Variants in ERMARD observed in about 807,000 individuals in gnomAD.
The protein encoded by ERMARD is endoplasmic reticulum membrane-associated RNA degradation protein.
Under a neutral mutation model 83.9 loss-of-function variants are expected in ERMARD, and 71 were observed. The observed-to-expected ratio is 0.85, with a 90% CI of 0.70 to 1.03. The LOEUF (loss-of-function observed/expected upper bound fraction) is 1.03, where lower values mean the gene tolerates loss of function less well. Ranked by LOEUF, ERMARD falls within the 50% of genes least tolerant of loss-of-function variation. The pLI, the probability that ERMARD is intolerant of heterozygous loss-of-function variation, is 0.00. For missense variants in ERMARD, 838 were observed against 810.9 expected, an observed-to-expected ratio of 1.03 and a Z score of -0.41; for synonymous variants, 284 against 298.6, an observed-to-expected ratio of 0.95 and a Z score of 0.50.
At chr6:169,751,704 A>G in intron 1 of ERMARD, 41 bp downstream of exon 1, 1 of 1,532,938 alleles carries the variant, frequency 6.5e-7, no homozygotes, top group Non-Finnish European at 8.8e-7. Flanking sequence ...CGAGCTAGGC[A>G]GGGAGTCGGC....
intron 8 of ERMARD, 144 bp from the exon 9 acceptor site, chr6:169,762,285 G>A (rs1791645727): frequency 1.5e-6 from 1 of 681,960 alleles, no homozygotes; most frequent in Non-Finnish European, 2.5e-6. Flanking sequence ...GGGTTTCCCA[G>A]GCTGGTCTTG....
Position 169,756,424 on chromosome 6 carries a change from A to G in ERMARD, c.402A>G (p.Glu134=). Residue 134 remains glutamate, a synonymous_variant, in exon 4 of 18, where the codon GAA becomes GAG. Transcript: ENST00000366773. ...TAATGAAACTGACATCGTGTCTAGA[A>G]CGAGCCTTGGGTGATGTAAGTGTGA... ...LSLMKLTSCL[E]RALGDVFLLI... 1 of 1,610,392 alleles carries G rather than the reference A, an allele frequency of 6.2e-7. No individual in the cohort carries two copies.
chr6:169,756,875 C>T, intron 5 of ERMARD, 67 bp downstream of exon 5: 2 of 1,398,558 alleles, frequency 1.4e-6, no homozygotes, highest in Non-Finnish European at 2.0e-6. Flanking sequence ...AAAGACATAC[C>T]CAAGACTAGG....
intron 1 of ERMARD, 121 bp downstream of exon 1, chr6:169,751,784 C>G (rs1790134170): frequency 7.3e-7 from 1 of 1,363,344 alleles, no homozygotes; most frequent in African/African-American, 1.6e-5. Flanking sequence ...CCGGCGGTCC[C>G]GCGCTGGAGG....
At chr6:169,760,604 C>A in intron 7 of ERMARD, 38 bp from the exon 8 acceptor site, 3 of 1,392,626 alleles carry the variant, frequency 2.2e-6, no homozygotes, top group South Asian at 1.2e-5. Context: ...TTCAGTTGAT[C>A]AGTATGATTG....
chr6:169,769,190 A>G (rs1211165567), intron 11 of ERMARD, among the ~76,000 whole-genome samples: 1 of 152,232 alleles, frequency 6.6e-6, no homozygotes, highest in African/African-American at 2.4e-5. Context: ...CAGATGAGAA[A>G]GTGCAGGGGC....
intron 9 of ERMARD, among the ~76,000 whole-genome samples, chr6:169,763,624 G>C (rs1296755480): frequency 6.6e-6 from 1 of 152,248 alleles, no homozygotes; most frequent in Non-Finnish European, 1.5e-5. Context: ...TCTTTCTCTA[G>C]CTTGGCTTTT....
chr6:169,753,321 A>G (rs935840693), intron 1 of ERMARD: 2 of 154,320 alleles, frequency 1.3e-5, no homozygotes, highest in African/African-American at 4.8e-5. Context: ...TCGAAGAGGC[A>G]TGTTTTGGGA....
chr6:169,751,485 C>T (rs201712120), upstream of ERMARD: 69 of 1,612,032 alleles, frequency 4.3e-5, no homozygotes, highest in African/African-American at 8.7e-4. Flanking sequence ...AGACGCCCAC[C>T]GCCTCCCCTT....
chr6:169,768,150 T>C lies in ERMARD; in HGVS notation c.1038T>C (p.Leu346=). The C allele has an allele frequency of 1.2e-6, 2 of 1,614,126 alleles. No homozygotes were observed. The highest frequency in any genetic ancestry group is 2.2e-5 in the South Asian group (2 of 91,084). The change falls in exon 11 of 18, where the codon CTT becomes CTC. Residue 346 remains leucine (L), a synonymous_variant. Transcript: ENST00000366773. The stretch of plus-strand genomic sequence containing the variant: ...ATGGTAAAATCAATCAGCTTCCTCT[T>C]TTCCTTGGAGAGCCTGCTATGGTAA... ...LNDGKINQLP[L]FLGEPAMEFL...
intron 5 of ERMARD, among the ~76,000 whole-genome samples, chr6:169,757,564 AT>A (rs1386844638): frequency 1.3e-5 from 2 of 152,240 alleles, no homozygotes; most frequent in Admixed American, 6.5e-5. Context: ...TGTTAAAAAA[AT>A]CATGCAGTTA....
At chr6:169,772,328 A>G (rs1225108711) in intron 12 of ERMARD, among the ~76,000 whole-genome samples, 1 of 152,258 alleles carries the variant, frequency 6.6e-6, no homozygotes, top group African/African-American at 2.4e-5. Context: ...CCATGCAGGC[A>G]CATGAGTGTA....
rs1790664411 is a variant in ERMARD, at chr6:169,755,374, A to G, written c.267A>G (p.Gln89=). The part of the protein sequence containing the change: ...HSHFLSLTKG[Q]FEIRYAPWFQ... Reference sequence around the variant, plus strand: ...ATTTCTTATCTCTGACCAAGGGGCAATTTGAAATTCGATATGCACCGTGGT... The same window carrying G: ...ATTTCTTATCTCTGACCAAGGGGCAGTTTGAAATTCGATATGCACCGTGGT... The change falls in exon 3 of 18, where the codon CAA becomes CAG. Residue 89 remains glutamine, a synonymous_variant. Transcript: ENST00000366773. 1 of 1,614,076 alleles carries G rather than the reference A, an allele frequency of 6.2e-7. No homozygotes were observed. Among genetic ancestry groups the G allele is most frequent in the Non-Finnish European group, 8.5e-7 (1 of 1,180,044 alleles).
At chr6:169,765,901 A>G (rs1289832933) in intron 9 of ERMARD, among the ~76,000 whole-genome samples, 1 of 103,524 alleles carries the variant, frequency 9.7e-6, no homozygotes, top group Non-Finnish European at 2.0e-5. Flanking sequence ...CTGTCTGTCA[A>G]ATCTCACTGA....
chr6:169,773,188 C>A, intron 12 of ERMARD, 131 bp from the exon 13 acceptor site: 1 of 700,078 alleles, frequency 1.4e-6, no homozygotes, highest in Non-Finnish European at 2.4e-6. Context: ...GAAGCACTTG[C>A]TTTTCTAGCT....
At chr6:169,766,222 T>C (rs1281349198) in intron 9 of ERMARD, among the ~76,000 whole-genome samples, 1 of 152,234 alleles carries the variant, frequency 6.6e-6, no homozygotes, top group African/African-American at 2.4e-5. Flanking sequence ...CCGATGATGC[T>C]GAGAAGCAGC....
chr6:169,757,537 G>C (rs1790967681), intron 5 of ERMARD, among the ~76,000 whole-genome samples: 1 of 152,090 alleles, frequency 6.6e-6, no homozygotes. Flanking sequence ...TAAACTTACA[G>C]TGGAAAAAAA....
At chr6:169,770,312 T>C (rs1191263663) in intron 12 of ERMARD, 1 of 152,260 alleles carries the variant, frequency 6.6e-6, no homozygotes, top group East Asian at 1.9e-4. Context: ...GCTATGAGTA[T>C]ACTAAAGTGA....
Position 169,776,317 on chromosome 6 carries a change from C to CAA in ERMARD, c.1521-137_1521-136insAA, listed in dbSNP as rs1446380149. The CAA allele has an allele frequency of 1.9e-6, 3 of 1,552,086 alleles. No individual in the cohort carries two copies. In the African/African-American group the frequency reaches 4.1e-5, roughly 21 times the overall value. ...TGTTTAGTTAACACTTGCCGCGTGT[C>CAA]ACGGTTGTCCCTGCAGACCAACCAG... On this transcript the variant is annotated intron_variant, in intron 15 of 17. Coordinates refer to ENST00000366773, the MANE Select transcript of ERMARD (RefSeq NM_018341.3).
Sources: gnomAD v4.1 joint callset for allele counts (sites outside exome capture counted in the v4.1 genomes callset) on GRCh38, gnomAD v4.1.1 for gene constraint, MANE v1.5 for transcripts, NCBI Gene and HGNC (gene_info 2026-07-23, HGNC 2026-07-21) for gene names.